The following CREB5 variants were observed in gnomAD, a reference collection of about 807,000 sequenced individuals.
CREB5 encodes the protein cAMP responsive element binding protein 5.
In CREB5, 19 loss-of-function variants were observed where a neutral mutation model predicts 57.1. The observed-to-expected ratio is 0.33, with a 90% CI of 0.23 to 0.49. The LOEUF is 0.49. Ranked by LOEUF, CREB5 falls within the 20% of genes least tolerant of loss-of-function variation. The probability of loss-of-function intolerance (pLI) is 0.99; values close to 1 mark genes in which losing one functional copy is unlikely to be tolerated. For synonymous variants in CREB5, 238 were observed against 238.3 expected, an observed-to-expected ratio of 1.00 and a Z score of 0.01; for missense variants, 579 against 671.6, an observed-to-expected ratio of 0.86 and a Z score of 1.52.
intron 1 of CREB5, among the ~76,000 whole-genome samples, chr7:28,487,120 G>A (rs956316040): frequency 5.9e-5 from 9 of 151,964 alleles, no homozygotes; most frequent in Non-Finnish European, 1.3e-4. Context: ...GGGTTCAAAC[G>A]CCTCTCCTGT....
intron 4 of CREB5, among the ~76,000 whole-genome samples, chr7:28,562,290 T>C (rs1315453554): frequency 6.6e-6 from 1 of 152,226 alleles, no homozygotes; most frequent in African/African-American, 2.4e-5. Context: ...AGAATCTTTC[T>C]TTGAGAGACA....
chr7:28,660,737 C>A (rs753633239), intron 5 of CREB5, among the ~76,000 whole-genome samples: 7 of 152,006 alleles, frequency 4.6e-5, no homozygotes, highest in Non-Finnish European at 8.8e-5. Context: ...TCTTCTTCTT[C>A]CCATTCTTAT....
intron 5 of CREB5, among the ~76,000 whole-genome samples, chr7:28,572,694 C>A (rs528278964): frequency 6.6e-6 from 1 of 152,070 alleles, no homozygotes; most frequent in Non-Finnish European, 1.5e-5. Context: ...ATGAAACAGT[C>A]TTTTGAGGGC....
intron 5 of CREB5, among the ~76,000 whole-genome samples, chr7:28,610,786 G>C (rs1797351722): frequency 6.6e-6 from 1 of 152,154 alleles, no homozygotes; most frequent in South Asian, 2.1e-4. Context: ...GAAAGTTAAT[G>C]ACCACCATAG....
chr7:28,560,891 T>TGTGTGTGCGC lies in CREB5; in HGVS notation c.292-9469_292-9468insTGCGCGTGTG, dbSNP rs1562797545. 9.1e-4 allele frequency among the ~76,000 whole-genome samples: 18 copies of TGTGTGTGCGC among 19,724 alleles called. 2 individuals carry two copies. Among genetic ancestry groups the TGTGTGTGCGC allele is most frequent in the African/African-American group, 1.8e-3 (8 of 4,544 alleles). The allele number at this position is 19,724 out of a possible 152,430, so 12.9% of individuals were successfully genotyped here. A position where few individuals can be genotyped will look rare whatever the true frequency, so the allele number is the denominator to read the frequency against. Reference sequence around the variant, plus strand: ...CTGCGTGCGCGTGCGTGCGTGCGTGTGTGTGCGTGCGCGCGTGCGTGTGCG... The same window carrying TGTGTGTGCGC: ...CTGCGTGCGCGTGCGTGCGTGCGTGTGTGTGTGCGCGTGTGCGTGCGCGCGTGCGTGTGCG... On this transcript the variant is annotated intron_variant, in intron 4 of 10. Transcript: ENST00000357727.
intron 4 of CREB5, among the ~76,000 whole-genome samples, chr7:28,559,968 C>T (rs141197713): frequency 3.0e-4 from 46 of 152,112 alleles, no homozygotes; most frequent in Non-Finnish European, 5.0e-4. Flanking sequence ...AGGGAGGTGA[C>T]GTTTAAGATG....
upstream of CREB5, among the ~76,000 whole-genome samples, chr7:28,408,740 A>G (rs1415985175): frequency 6.6e-6 from 1 of 152,012 alleles, no homozygotes; most frequent in African/African-American, 2.4e-5. Context: ...CACCATAAGG[A>G]AGTTATTCTC....
Position 28,534,125 on chromosome 7 carries a change from G to A in CREB5, c.291+26388G>A, listed in dbSNP as rs908628601. ...GCCTCAGGAATAGGAATTTCCAGAA[G>A]AAAAAAATAAGGACGCTTTGATCCA... On this transcript the variant is annotated intron_variant, in intron 4 of 10. Transcript: ENST00000357727. Among the ~76,000 whole-genome samples the A allele has an allele frequency of 3.3e-5, 5 of 152,212 alleles. 1 individual carries two copies. Among genetic ancestry groups the A allele is most frequent in the Non-Finnish European group, 7.4e-5 (5 of 68,006 alleles).
At position 28,365,470 on chromosome 7, in the gene CREB5, T is replaced by C. The variant is rs554344968; in HGVS notation, c.-25+66029T>C. ...GCATTATCAGTTTTTCCATCTCTAT[T>C]GAACTCTTCCCATCAGCAAACAAAG... is the stretch of plus-strand genomic sequence containing the variant. On this transcript the variant is annotated intron_variant, in intron 1 of 9. Transcript: ENST00000396299. Among the ~76,000 whole-genome samples the C allele has an allele frequency of 1.3e-4, 20 of 152,310 alleles. No homozygotes were observed. The East Asian group carries it at 3.5e-3, about 26-fold the overall frequency.
intron 7 of CREB5, among the ~76,000 whole-genome samples, chr7:28,798,256 A>G (rs1808161966): frequency 6.6e-6 from 1 of 152,168 alleles, no homozygotes; most frequent in South Asian, 2.1e-4. Flanking sequence ...TTCAGAGTCT[A>G]TAAAGCATAA....
intron 4 of CREB5, among the ~76,000 whole-genome samples, chr7:28,565,583 T>C (rs1010530584): frequency 6.6e-6 from 1 of 152,204 alleles, no homozygotes; most frequent in African/African-American, 2.4e-5. Flanking sequence ...TCAACGTAGG[T>C]ATTCAAATTG....
intron 9 of CREB5, among the ~76,000 whole-genome samples, chr7:28,812,390 G>A (rs1008470899): frequency 1.3e-5 from 2 of 152,134 alleles, no homozygotes; most frequent in Non-Finnish European, 2.9e-5. Context: ...GCGTATTTAT[G>A]ATTGCTTTTA....
chr7:28,463,064 CTT>C (rs1790415021), intron 1 of CREB5, among the ~76,000 whole-genome samples: 1 of 151,940 alleles, frequency 6.6e-6, no homozygotes, highest in Admixed American at 6.6e-5. Flanking sequence ...AGTTTTACCT[CTT>C]ATATTTTGTT....
chr7:28,588,197 T>A (rs1190147752), intron 5 of CREB5, among the ~76,000 whole-genome samples: 1 of 152,198 alleles, frequency 6.6e-6, no homozygotes, highest in East Asian at 1.9e-4. Context: ...CCATTTCCTA[T>A]ACGTAGCGGT....
chr7:28,362,557 C>A (rs1342922000), intron 1 of CREB5, among the ~76,000 whole-genome samples: 1 of 152,096 alleles, frequency 6.6e-6, no homozygotes, highest in Admixed American at 6.5e-5. Flanking sequence ...GCACGAAAGA[C>A]AATATTTGGA....
chr7:28,737,594 A>T (rs1460465881), intron 7 of CREB5, among the ~76,000 whole-genome samples: 19 of 123,248 alleles, frequency 1.5e-4, no homozygotes, highest in East Asian at 6.0e-4. Context: ...TATATTTTTA[A>T]CTCCTGTTTC....
rs531346295 is a variant in CREB5, at chr7:28,810,601, C to A, written c.1254+1187C>A. On this transcript the variant is annotated intron_variant, in intron 9 of 10. Coordinates refer to ENST00000357727, the MANE Select transcript of CREB5 (RefSeq NM_182898.4). Reference sequence around the variant, plus strand: ...GTCCCAGCTACTCAGGAGGCTGAAGCAGGAGAATGGCTTGAATGCAGGAGG... The same window carrying A: ...GTCCCAGCTACTCAGGAGGCTGAAGAAGGAGAATGGCTTGAATGCAGGAGG... Among the ~76,000 whole-genome samples, 34 of 152,198 alleles carry A rather than the reference C, an allele frequency of 2.2e-4. 1 individual carries two copies. The highest frequency in any genetic ancestry group is 3.4e-3 in the Middle Eastern group (1 of 294).
chr7:28,336,099 A>G (rs1343847727), intron 1 of CREB5, among the ~76,000 whole-genome samples: 2 of 152,072 alleles, frequency 1.3e-5, no homozygotes, highest in African/African-American at 4.8e-5. Flanking sequence ...TCAGTTTGCT[A>G]GTATTTTGTC....
intron 4 of CREB5, among the ~76,000 whole-genome samples, chr7:28,545,761 A>G (rs1405625028): frequency 6.6e-6 from 1 of 152,134 alleles, no homozygotes; most frequent in Non-Finnish European, 1.5e-5. Context: ...ATTTTCTCCT[A>G]TCTTCAGTTT....
Sources: gnomAD v4.1 joint callset for allele counts (sites outside exome capture counted in the v4.1 genomes callset) on GRCh38, gnomAD v4.1.1 for gene constraint, MANE v1.5 for transcripts, NCBI Gene and HGNC (gene_info 2026-07-23, HGNC 2026-07-21) for gene names.